LIN7A: variants seen among roughly 807,000 people sequenced by gnomAD.
The protein encoded by LIN7A is protein lin-7 homolog A.
LIN7A carries 25 observed loss-of-function variants against 29.8 expected under a neutral mutation model. The observed-to-expected ratio is 0.84, with a 90% CI of 0.61 to 1.17. The LOEUF is 1.17. Ranked by LOEUF, LIN7A falls within the 50% of genes most tolerant of loss-of-function variation. The pLI is 0.00. For missense variants in LIN7A, 239 were observed against 287.0 expected (o/e 0.83, Z 1.21); for synonymous variants, 118 against 107.5 (o/e 1.10, Z -0.60).
intron 2 of LIN7A, among the ~76,000 whole-genome samples, chr12:80,877,875 A>C (rs1197386168): frequency 6.6e-6 from 1 of 152,126 alleles, no homozygotes; most frequent in African/African-American, 2.4e-5. Context: ...GAAGAAAAAA[A>C]AAAAAAACAG....
At chr12:80,825,715 C>T (rs1872033095) in intron 4 of LIN7A, among the ~76,000 whole-genome samples, 1 of 151,964 alleles carries the variant, frequency 6.6e-6, no homozygotes, top group Non-Finnish European at 1.5e-5. Flanking sequence ...ATGACATCTC[C>T]TAGAATTCCG....
intron 4 of LIN7A, among the ~76,000 whole-genome samples, chr12:80,831,135 A>G (rs1872328757): frequency 6.6e-6 from 1 of 152,170 alleles, no homozygotes; most frequent in African/African-American, 2.4e-5. Flanking sequence ...TACAATGTAG[A>G]TGCCTAATAA....
intron 2 of LIN7A, among the ~76,000 whole-genome samples, chr12:80,853,684 T>C (rs1033694573): frequency 2.6e-5 from 4 of 151,948 alleles, no homozygotes; most frequent in Admixed American, 6.6e-5. Context: ...GGTGAGAATG[T>C]TGGAGAACTA....
At chr12:80,821,764 T>C (rs1416085236) in intron 4 of LIN7A, among the ~76,000 whole-genome samples, 1 of 152,190 alleles carries the variant, frequency 6.6e-6, no homozygotes, top group African/African-American at 2.4e-5. Flanking sequence ...CAGCTGCAGT[T>C]GCCCAGCTGC....
chr12:80,830,108 T>G (rs1339512243), intron 4 of LIN7A, among the ~76,000 whole-genome samples: 2 of 152,194 alleles, frequency 1.3e-5, no homozygotes, highest in Non-Finnish European at 2.9e-5. Flanking sequence ...TGCAATTTTT[T>G]CTTGTCTCTG....
chr12:80,835,419 C>A (rs1029980932), intron 4 of LIN7A, among the ~76,000 whole-genome samples: 1 of 152,066 alleles, frequency 6.6e-6, no homozygotes, highest in East Asian at 1.9e-4. Context: ...CAATGACTTG[C>A]CCATAATCAA....
chr12:80,882,287 CTTT>C (rs56000415), intron 2 of LIN7A, among the ~76,000 whole-genome samples: 4 of 87,698 alleles, frequency 4.6e-5, no homozygotes, highest in Admixed American at 1.2e-4. Flanking sequence ...TTCTTTCATT[CTTT>C]TTTTTTTTTT....
intron 2 of LIN7A, among the ~76,000 whole-genome samples, chr12:80,864,140 G>A (rs2895842): frequency 0.34 from 51,808 of 151,736 alleles, 10,422 homozygotes; most frequent in African/African-American, 0.57. Context: ...GTTTAAGGGC[G>A]TAATACTTGC....
rs377678462 is a variant in LIN7A, at chr12:80,794,790, A to G, written c.*2937T>C. The G allele has an allele frequency of 1.5e-3, 226 of 152,294 alleles. No homozygotes were observed. The highest frequency in any genetic ancestry group is 5.1e-3 in the African/African-American group (210 of 41,584). 9.4% of individuals were successfully genotyped at this position (152,294 alleles called of 1,614,324 possible). ...AAAGTCTGTTATTCTTTCCAAAGTC[A>G]ATTGTAACTTAAGCTCATTATCTCC... On this transcript the variant is annotated 3_prime_UTR_variant, in exon 6 of 6. Coordinates refer to ENST00000552864, the MANE Select transcript of LIN7A (RefSeq NM_004664.4).
At chr12:80,831,006 T>A (rs760962869) in intron 4 of LIN7A, among the ~76,000 whole-genome samples, 2 of 152,222 alleles carry the variant, frequency 1.3e-5, no homozygotes, top group Non-Finnish European at 2.9e-5. Flanking sequence ...TAACACTATA[T>A]GGATTTCCTT....
intron 4 of LIN7A, 128 bp downstream of exon 4, chr12:80,845,602 C>T: frequency 3.0e-6 from 2 of 677,150 alleles, no homozygotes; most frequent in Non-Finnish European, 2.4e-6. Flanking sequence ...TCCATCAATG[C>T]TTAGAAAGCT....
At chr12:80,885,847 C>T (rs938460015) in intron 2 of LIN7A, among the ~76,000 whole-genome samples, 1 of 151,928 alleles carries the variant, frequency 6.6e-6, no homozygotes, top group Non-Finnish European at 1.5e-5. Flanking sequence ...GGAGCTGATT[C>T]AGTGGTTTCA....
In LIN7A at chr12:80,909,858, CA is replaced by C. The variant is rs377017738; in HGVS notation, c.83-20490del. Among the ~76,000 whole-genome samples the C allele has an allele frequency of 2.7e-3, 386 of 145,538 alleles. 1 individual carries two copies. Among genetic ancestry groups the C allele is most frequent in the African/African-American group, 9.1e-3 (357 of 39,360 alleles). On this transcript the variant is annotated intron_variant, in intron 1 of 5. Coordinates refer to ENST00000552864, the MANE Select transcript of LIN7A (RefSeq NM_004664.4). The stretch of plus-strand genomic sequence containing the variant: ...TTTTACATCTAATGACAATTTTTAC[CA>C]AAAAAAAAAACCCTAAAAACACCTG...
At chr12:80,906,592 C>T (rs1876485969) in intron 1 of LIN7A, among the ~76,000 whole-genome samples, 1 of 151,882 alleles carries the variant, frequency 6.6e-6, no homozygotes, top group Admixed American at 6.6e-5. Context: ...CCTGTCTAAT[C>T]ACTGTGGCAT....
intron 1 of LIN7A, among the ~76,000 whole-genome samples, chr12:80,905,716 C>T (rs761159476): frequency 1.3e-5 from 2 of 152,110 alleles, no homozygotes; most frequent in East Asian, 1.9e-4. Context: ...TAACATTTCT[C>T]TAAGTTAAAT....
chr12:80,854,889 A>G (rs1383720054), intron 2 of LIN7A, among the ~76,000 whole-genome samples: 1 of 152,230 alleles, frequency 6.6e-6, no homozygotes, highest in Non-Finnish European at 1.5e-5. Context: ...GGTTTGAAAC[A>G]TAAAGACATA....
intron 3 of LIN7A, among the ~76,000 whole-genome samples, chr12:80,847,306 C>T (rs562330730): frequency 2.0e-5 from 3 of 152,248 alleles, no homozygotes; most frequent in African/African-American, 7.2e-5. Context: ...GTGTGTTCCA[C>T]TTCAGTACAA....
chr12:80,914,652 A>G (rs973338799), intron 1 of LIN7A, among the ~76,000 whole-genome samples: 19 of 152,184 alleles, frequency 1.2e-4, no homozygotes, highest in Admixed American at 6.5e-4. Flanking sequence ...CATTGTACTA[A>G]AACTGCCCAC....
intron 1 of LIN7A, among the ~76,000 whole-genome samples, chr12:80,931,456 C>A (rs1050067414): frequency 1.3e-5 from 2 of 152,090 alleles, no homozygotes; most frequent in Non-Finnish European, 2.9e-5. Context: ...GCCTGGCCAA[C>A]ATGGCAAAAA....
Sources: allele counts gnomAD v4.1 joint callset (sites outside exome capture counted in the v4.1 genomes callset), GRCh38; gene constraint gnomAD v4.1.1; transcripts MANE v1.5; gene names NCBI Gene and HGNC (gene_info 2026-07-23, HGNC 2026-07-21).